The following ALK variants were observed in gnomAD, a reference collection of about 807,000 sequenced individuals.
ALK encodes ALK receptor tyrosine kinase.
A neutral mutation model predicts 163.1 loss-of-function variants in ALK; 74 were observed. The observed-to-expected ratio is 0.45, with a 90% confidence interval of 0.38 to 0.55. ALK has a LOEUF of 0.55. ALK is among the 20% of genes least tolerant of loss of function. The pLI is 0.00. For synonymous variants in ALK, 960 were observed against 843.2 expected, an observed-to-expected ratio of 1.14 and a Z score of -2.40; for missense variants, 2,063 against 2,105.3, an observed-to-expected ratio of 0.98 and a Z score of 0.39.
At chr2:29,575,932 A>T (rs1674513713) in intron 3 of ALK, among the ~76,000 whole-genome samples, 1 of 152,160 alleles carries the variant, frequency 6.6e-6, no homozygotes, top group Non-Finnish European at 1.5e-5. Context: ...TGAACACCAG[A>T]GGTTGATGCA....
At chr2:29,762,798 A>G (rs1680745187) in intron 1 of ALK, among the ~76,000 whole-genome samples, 1 of 152,168 alleles carries the variant, frequency 6.6e-6, no homozygotes, top group African/African-American at 2.4e-5. Context: ...TCTTTAAAAG[A>G]AAGGGATTGG....
chr2:29,803,558 G>C (rs1572392440), intron 1 of ALK, among the ~76,000 whole-genome samples: 2 of 152,188 alleles, frequency 1.3e-5, no homozygotes, highest in Admixed American at 1.3e-4. Context: ...TGGGCTGTCA[G>C]GGTGCTGGTC....
chr2:29,232,202 C>T, intron 15 of ALK, 102 bp downstream of exon 15: 3 of 1,497,290 alleles, frequency 2.0e-6, no homozygotes, highest in Non-Finnish European at 2.8e-6. Context: ...CCTAGCATCC[C>T]AGGTGCCAGT....
chr2:29,756,474 T>A (rs1292940328), intron 1 of ALK, among the ~76,000 whole-genome samples: 2 of 152,014 alleles, frequency 1.3e-5, no homozygotes, highest in East Asian at 3.9e-4. Context: ...TATAACTATT[T>A]CCATGACTCT....
Position 29,846,693 on chromosome 2 carries a change from T to C in ALK, c.667+73300A>G, listed in dbSNP as rs576152492. Among the ~76,000 whole-genome samples the C allele has an allele frequency of 1.1e-4, 16 of 152,322 alleles. No homozygotes were observed. In the South Asian group the frequency reaches 3.3e-3, roughly 32 times the overall value. On this transcript the variant is annotated intron_variant, in intron 1 of 28. Coordinates refer to ENST00000389048, the MANE Select transcript of ALK (RefSeq NM_004304.5). ...CAATACCATCCTCCTCCAGAGATTG[T>C]CAAAAGTCTGGCAACTTCCTTACTG...
At chr2:29,790,353 T>C (rs1294760872) in intron 1 of ALK, among the ~76,000 whole-genome samples, 2 of 152,098 alleles carry the variant, frequency 1.3e-5, no homozygotes, top group African/African-American at 2.4e-5. Context: ...CAATCACAAG[T>C]GACATAGACT....
In ALK at chr2:29,222,243, A is replaced by G. The variant is rs960033985; in HGVS notation, c.3515+101T>C. 8 of 1,064,638 alleles carry G rather than the reference A, an allele frequency of 7.5e-6. No homozygotes were observed. The African/African-American group carries it at 9.4e-5, about 13-fold the overall frequency. 65.9% of individuals were successfully genotyped at this position (1,064,638 alleles called of 1,614,324 possible). On this transcript the variant is annotated intron_variant, in intron 22 of 28. Coordinates refer to ENST00000389048, the MANE Select transcript of ALK (RefSeq NM_004304.5). ...CTGGAGAAAAGGGGACATGCTAGGG[A>G]CAACACGATTTCCCTTGGAGATATC...
chr2:29,582,941 C>A (rs539469548), intron 3 of ALK, among the ~76,000 whole-genome samples: 1 of 150,326 alleles, frequency 6.7e-6, no homozygotes, highest in African/African-American at 2.5e-5. Flanking sequence ...CAGCTCACTG[C>A]AACCTCCACC....
At chr2:29,375,014 G>T (rs1228414078) in intron 5 of ALK, among the ~76,000 whole-genome samples, 1 of 152,130 alleles carries the variant, frequency 6.6e-6, no homozygotes, top group Admixed American at 6.5e-5. Flanking sequence ...CCCCAGGTTG[G>T]CAGTGTGTGG....
At chr2:29,364,394 C>T (rs892078346) in intron 5 of ALK, among the ~76,000 whole-genome samples, 1 of 152,144 alleles carries the variant, frequency 6.6e-6, no homozygotes, top group African/African-American at 2.4e-5. Flanking sequence ...CTAACCAAGT[C>T]AGCTCACCAT....
At chr2:29,311,140 C>T (rs959881830) in intron 8 of ALK, among the ~76,000 whole-genome samples, 1 of 152,222 alleles carries the variant, frequency 6.6e-6, no homozygotes, top group African/African-American at 2.4e-5. Context: ...CAGGGCTCAG[C>T]CCTCCTGAGG....
At position 29,920,066 on chromosome 2, in the gene ALK, C is replaced by G. The variant is rs1030937777; in HGVS notation, c.594G>C (p.Val198=). 1 of 1,614,104 alleles carries G rather than the reference C, an allele frequency of 6.2e-7. No homozygotes were observed. Among genetic ancestry groups the G allele is most frequent in the Non-Finnish European group, 8.5e-7 (1 of 1,180,064 alleles). ...CCGCGGACAGCCTTCCCTCTCTGCC[C>G]ACTTCCGACGCCTTCTTCTCGGGCA... The part of the protein sequence containing the change: ...RLMPEKKASE[V]GREGRLSAAI... Residue 198 remains valine, a synonymous_variant, in exon 1 of 29, where the codon GTG becomes GTC. Coordinates refer to ENST00000389048, the MANE Select transcript of ALK (RefSeq NM_004304.5).
At chr2:29,769,852 T>C (rs561278284) in intron 1 of ALK, among the ~76,000 whole-genome samples, 4 of 152,218 alleles carry the variant, frequency 2.6e-5, no homozygotes, top group Non-Finnish European at 4.4e-5. Flanking sequence ...ATGACTAGAC[T>C]GATAGCCAAT....
intron 4 of ALK, among the ~76,000 whole-genome samples, chr2:29,385,705 T>C (rs1203071646): frequency 2.0e-5 from 3 of 152,222 alleles, no homozygotes; most frequent in Non-Finnish European, 4.4e-5. Flanking sequence ...CTGTCCATTT[T>C]AATCCATTTT....
intron 2 of ALK, among the ~76,000 whole-genome samples, chr2:29,707,691 A>G (rs1215072396): frequency 6.6e-6 from 1 of 152,232 alleles, no homozygotes; most frequent in Non-Finnish European, 1.5e-5. Flanking sequence ...AGTGTGATTA[A>G]AGGCAAAATG....
chr2:29,240,915 C>T (rs764329926), intron 12 of ALK, among the ~76,000 whole-genome samples: 1 of 152,176 alleles, frequency 6.6e-6, no homozygotes, highest in Non-Finnish European at 1.5e-5. Context: ...CAGTTTTGCC[C>T]ATGTGCACAT....
intron 1 of ALK, among the ~76,000 whole-genome samples, chr2:29,818,003 G>C (rs909192082): frequency 2.6e-5 from 4 of 152,196 alleles, no homozygotes; most frequent in Middle Eastern, 3.2e-3. Context: ...TACTAACGCT[G>C]TATTTCCTCT....
At chr2:29,435,285 T>A (rs1380153907) in intron 4 of ALK, among the ~76,000 whole-genome samples, 1 of 152,154 alleles carries the variant, frequency 6.6e-6, no homozygotes, top group Non-Finnish European at 1.5e-5. Flanking sequence ...TGAACCCTCC[T>A]ACTGGAACTT....
chr2:29,203,485 C>CCTTTTTTTTTTTT (rs1669232066), intron 26 of ALK, among the ~76,000 whole-genome samples: 1 of 32,544 alleles, frequency 3.1e-5, no homozygotes, highest in Non-Finnish European at 5.2e-5. Flanking sequence ...GAGGATGTGC[C>CCTTTTTTTTTTTT]TTTTTTTTTT....
Sources: allele counts gnomAD v4.1 joint callset (sites outside exome capture counted in the v4.1 genomes callset), GRCh38; gene constraint gnomAD v4.1.1; transcripts MANE v1.5; gene names NCBI Gene and HGNC (gene_info 2026-07-23, HGNC 2026-07-21).